AK5: variants seen among roughly 807,000 people sequenced by gnomAD.
AK5 encodes adenylate kinase 5.
AK5 carries 27 observed loss-of-function variants against 69.5 expected under a neutral mutation model. That is an observed-to-expected ratio of 0.39 (90% CI 0.29 to 0.54). The LOEUF (loss-of-function observed/expected upper bound fraction) is 0.54, where lower values mean the gene tolerates loss of function less well. Ranked by LOEUF, AK5 falls within the 20% of genes least tolerant of loss-of-function variation. AK5 has a pLI of 0.71. For missense variants in AK5, 531 were observed against 700.4 expected (o/e 0.76, Z 2.73); for synonymous variants, 260 against 244.4 (o/e 1.06, Z -0.60).
chr1:77,386,848 G>T (rs761753949), intron 6 of AK5, among the ~76,000 whole-genome samples: 6 of 151,630 alleles, frequency 4.0e-5, no homozygotes, highest in Non-Finnish European at 8.8e-5. Context: ...CCCTGCCTGC[G>T]CTCACCCTTC....
At chr1:77,533,509 CAAAAAAA>C (rs10526328) in intron 12 of AK5, among the ~76,000 whole-genome samples, 53,008 of 94,306 alleles carry the variant, frequency 0.56, 13,739 homozygotes, top group Admixed American at 0.65. Context: ...ACTCTGTCAC[CAAAAAAA>C]AAAAAAAAAA....
chr1:77,475,503 T>A (rs1240157861), intron 8 of AK5, among the ~76,000 whole-genome samples: 1 of 71,270 alleles, frequency 1.4e-5, no homozygotes, highest in Admixed American at 2.2e-4. Flanking sequence ...CAAATATATA[T>A]TATATATATA....
intron 12 of AK5, among the ~76,000 whole-genome samples, chr1:77,531,817 C>G (rs1249450371): frequency 1.3e-5 from 1 of 74,108 alleles, no homozygotes; most frequent in African/African-American, 5.3e-5. Flanking sequence ...CTGCGCTCGT[C>G]GGGGAGGCTG....
chr1:77,463,194 C>G (rs547821362), intron 8 of AK5, among the ~76,000 whole-genome samples: 312 of 152,324 alleles, frequency 2.0e-3, no homozygotes, highest in African/African-American at 7.2e-3. Context: ...TGACTGACTT[C>G]TGAACAACTG....
At chr1:77,315,252 A>T (rs1458968631) in intron 5 of AK5, among the ~76,000 whole-genome samples, 2 of 152,068 alleles carry the variant, frequency 1.3e-5, no homozygotes, top group African/African-American at 4.8e-5. Flanking sequence ...ATGTGTATAG[A>T]TTCTTGCTCT....
intron 12 of AK5, among the ~76,000 whole-genome samples, chr1:77,527,363 A>G (rs749598321): frequency 2.6e-5 from 4 of 152,174 alleles, no homozygotes; most frequent in Non-Finnish European, 5.9e-5. Flanking sequence ...ATGAATTCAA[A>G]TGGTCCATGT....
At chr1:77,537,195 G>A (rs1358645220) in intron 13 of AK5, among the ~76,000 whole-genome samples, 1 of 152,174 alleles carries the variant, frequency 6.6e-6, no homozygotes, top group African/African-American at 2.4e-5. Flanking sequence ...CCAGGAAGGT[G>A]GCCTGAGGAG....
intron 6 of AK5, among the ~76,000 whole-genome samples, chr1:77,369,045 T>C (rs908625099): frequency 5.3e-5 from 8 of 152,276 alleles, no homozygotes; most frequent in African/African-American, 1.2e-4. Context: ...TCACCATAAA[T>C]TATATGTATC....
intron 6 of AK5, among the ~76,000 whole-genome samples, chr1:77,403,639 C>G (rs1649403357): frequency 6.6e-6 from 1 of 152,226 alleles, no homozygotes; most frequent in Non-Finnish European, 1.5e-5. Context: ...GGGCTCTGTT[C>G]TGTTCCACTG....
chr1:77,329,175 A>G (rs900597999), intron 5 of AK5, among the ~76,000 whole-genome samples: 1 of 143,524 alleles, frequency 7.0e-6, no homozygotes, highest in Non-Finnish European at 1.5e-5. Flanking sequence ...AGATTCATAT[A>G]CTAGTTGTCT....
At chr1:77,439,426 G>A (rs1652167044) in intron 8 of AK5, among the ~76,000 whole-genome samples, 1 of 151,998 alleles carries the variant, frequency 6.6e-6, no homozygotes, top group Non-Finnish European at 1.5e-5. Flanking sequence ...TACAAATCTA[G>A]CCATTTTGAA....
intron 12 of AK5, among the ~76,000 whole-genome samples, chr1:77,533,487 C>G (rs1658767593): frequency 1.5e-5 from 2 of 132,434 alleles, no homozygotes; most frequent in South Asian, 5.0e-4. Context: ...CCAGCCTAGG[C>G]TGCAGAGCAA....
At chr1:77,362,221 T>C (rs1382688591) in intron 6 of AK5, among the ~76,000 whole-genome samples, 3 of 152,218 alleles carry the variant, frequency 2.0e-5, no homozygotes, top group Admixed American at 6.5e-5. Context: ...TCAAGCAATA[T>C]TGACATTCTT....
chr1:77,390,712 C>A, intron 6 of AK5, among the ~76,000 whole-genome samples: 1 of 152,100 alleles, frequency 6.6e-6, no homozygotes, highest in African/African-American at 2.4e-5. Flanking sequence ...TTTAAAAGTT[C>A]TTAAATAATA....
chr1:77,537,172 G>A (rs1465157859), intron 13 of AK5, among the ~76,000 whole-genome samples: 1 of 152,160 alleles, frequency 6.6e-6, no homozygotes, highest in Non-Finnish European at 1.5e-5. Context: ...AGTGTAAGGG[G>A]AAAGGAAAGG....
intron 13 of AK5, among the ~76,000 whole-genome samples, chr1:77,548,954 C>T (rs1659678195): frequency 7.4e-6 from 1 of 134,528 alleles, no homozygotes; most frequent in South Asian, 2.5e-4. Flanking sequence ...CTGCTCACTG[C>T]AACCTCCGCC....
chr1:77,484,432 C>T (rs1655462886), intron 9 of AK5, among the ~76,000 whole-genome samples: 1 of 152,140 alleles, frequency 6.6e-6, no homozygotes, highest in Non-Finnish European at 1.5e-5. Flanking sequence ...CTGCACAGAT[C>T]CATGAGCACA....
chr1:77,467,963 A>AG (rs1654243936), intron 8 of AK5, among the ~76,000 whole-genome samples: 1 of 152,222 alleles, frequency 6.6e-6, no homozygotes. Context: ...CTGCTCTATT[A>AG]GGAGTCACTG....
At chr1:77,522,064 C>T (rs1210825336) in intron 12 of AK5, 121 bp downstream of exon 12, 1 of 735,198 alleles carries the variant, frequency 1.4e-6, no homozygotes, top group African/African-American at 1.8e-5. Context: ...GGGGCAGAAA[C>T]TTGACTCAAA....
Sources: allele counts gnomAD v4.1 joint callset (sites outside exome capture counted in the v4.1 genomes callset), GRCh38; gene constraint gnomAD v4.1.1; transcripts MANE v1.5; gene names NCBI Gene and HGNC (gene_info 2026-07-23, HGNC 2026-07-21).